PPFIA1: variants seen among roughly 807,000 people sequenced by gnomAD.
PPFIA1 encodes liprin-alpha-1.
In PPFIA1, 25 loss-of-function variants were observed where a neutral mutation model predicts 149.9. The ratio of observed to expected loss-of-function variants is 0.17; its 90% CI spans 0.12 to 0.23. The LOEUF is 0.23. Ranked by LOEUF, PPFIA1 falls within the 10% of genes least tolerant of loss-of-function variation. PPFIA1 has a pLI of 1.00. For missense variants in PPFIA1, 1,362 were observed against 1,506.5 expected, an observed-to-expected ratio of 0.90 and a Z score of 1.59; for synonymous variants, 549 against 552.8, an observed-to-expected ratio of 0.99 and a Z score of 0.10.
intron 2 of PPFIA1, among the ~76,000 whole-genome samples, chr11:70,289,903 C>A (rs2051409653): frequency 6.6e-6 from 1 of 152,124 alleles, no homozygotes; most frequent in Admixed American, 6.5e-5. Flanking sequence ...ATAGCAAGAC[C>A]CTGTCTCTCA....
At chr11:70,308,367 C>G (rs1184167923) in intron 2 of PPFIA1, among the ~76,000 whole-genome samples, 1 of 152,182 alleles carries the variant, frequency 6.6e-6, no homozygotes, top group Admixed American at 6.5e-5. Flanking sequence ...TTTAGACTGT[C>G]AAGTTCAAAC....
chr11:70,283,331 G>A (rs1483330291), intron 2 of PPFIA1, among the ~76,000 whole-genome samples: 2 of 152,160 alleles, frequency 1.3e-5, no homozygotes, highest in South Asian at 2.1e-4. Flanking sequence ...GAACTCTTTT[G>A]TGTGAAACCT....
At chr11:70,365,679 G>T (rs7942679) in intron 21 of PPFIA1, 13 of 354,186 alleles carry the variant, frequency 3.7e-5, no homozygotes, top group Non-Finnish European at 6.6e-5. Context: ...TCTCCTTTTG[G>T]AGAGATCTCA....
chr11:70,380,156 C>G (rs150492971), intron 26 of PPFIA1, among the ~76,000 whole-genome samples: 3,599 of 152,232 alleles, frequency 0.024, 157 homozygotes, highest in African/African-American at 0.083. Context: ...GCCTGTAATC[C>G]CAGCACTTTG....
At chr11:70,290,841 TAA>T (rs1271432265) in intron 2 of PPFIA1, among the ~76,000 whole-genome samples, 1 of 152,238 alleles carries the variant, frequency 6.6e-6, no homozygotes, top group Non-Finnish European at 1.5e-5. Context: ...ATAGAAAAGT[TAA>T]AGTTCTACTT....
At chr11:70,299,702 T>A (rs1020297684) in intron 2 of PPFIA1, among the ~76,000 whole-genome samples, 5 of 151,838 alleles carry the variant, frequency 3.3e-5, no homozygotes, top group African/African-American at 1.2e-4. Context: ...CATCCAAGCT[T>A]CGCTCTTGGC....
chr11:70,354,398 T>C lies in PPFIA1; in HGVS notation c.2261T>C (p.Leu754Pro), dbSNP rs749639299. ...SSPRALRLDR[L>P]HKGALHTVSH... ...CCGAGAGCCCTTCGGTTAGACCGGC[T>C]GCACAAAGGGGCGCTGCACACCGTC... The change falls in exon 17 of 28, where the codon CTG becomes CCG. Residue 754 changes from leucine to proline, a missense_variant. Leu to Pro is a moderately conservative substitution (Grantham distance 98). Transcript: ENST00000253925. The C allele has an allele frequency of 1.2e-6, 2 of 1,613,808 alleles. No homozygotes were observed. Among genetic ancestry groups the C allele is most frequent in the Non-Finnish European group, 1.7e-6 (2 of 1,179,944 alleles).
intron 2 of PPFIA1, among the ~76,000 whole-genome samples, chr11:70,279,905 A>ATGTGTGTGTG (rs759392357): frequency 1.4e-5 from 2 of 144,862 alleles, no homozygotes; most frequent in Admixed American, 6.9e-5. Flanking sequence ...TGTGTGGGGG[A>ATGTGTGTGTG]TGTGTGTGTG....
At chr11:70,283,672 A>C (rs1374455691) in intron 2 of PPFIA1, among the ~76,000 whole-genome samples, 1 of 150,128 alleles carries the variant, frequency 6.7e-6, no homozygotes, top group African/African-American at 2.4e-5. Flanking sequence ...CTAGAATCCG[A>C]GGGCAGAGGG....
Position 70,306,863 on chromosome 11 carries a change from C to A in PPFIA1, c.265-17539C>A, listed in dbSNP as rs371183461. On this transcript the variant is annotated intron_variant, in intron 2 of 27. Transcript: ENST00000253925. ...GAAGTATTATAATCTCACAAAAAAA[C>A]CCCTGAGCCTTCTTTGTTTCCAGTG... Among the ~76,000 whole-genome samples, 37 of 152,264 alleles carry A rather than the reference C, an allele frequency of 2.4e-4. No individual in the cohort carries two copies. In the South Asian group the frequency reaches 4.4e-3, roughly 18 times the overall value.
At chr11:70,354,071 G>A (rs1362228901) in intron 16 of PPFIA1, 3 of 480,794 alleles carry the variant, frequency 6.2e-6, no homozygotes, top group Non-Finnish European at 1.1e-5. Flanking sequence ...GGGCATACCT[G>A]TGTCCTGTTG....
At chr11:70,354,186 T>C in intron 16 of PPFIA1, 115 bp from the exon 17 acceptor site, 1 of 1,111,426 alleles carries the variant, frequency 9.0e-7, no homozygotes, top group Non-Finnish European at 1.3e-6. Flanking sequence ...CAAGACTTTC[T>C]GTGCTGGCAG....
intron 4 of PPFIA1, 96 bp downstream of exon 4, chr11:70,325,107 GA>G (rs1461677834): frequency 8.3e-7 from 1 of 1,210,570 alleles, no homozygotes; most frequent in African/African-American, 1.5e-5. Flanking sequence ...GAAGCTTCTT[GA>G]ATTCTTGGAA....
At chr11:70,337,474 T>C (rs767730670) in intron 12 of PPFIA1, 47 bp downstream of exon 12, 2 of 1,409,290 alleles carry the variant, frequency 1.4e-6, no homozygotes, top group Non-Finnish European at 9.8e-7. Context: ...TTGAACTGAG[T>C]TGATGATGAT....
chr11:70,340,589 A>G (rs1202798566), intron 14 of PPFIA1, among the ~76,000 whole-genome samples: 1 of 152,156 alleles, frequency 6.6e-6, no homozygotes, highest in Non-Finnish European at 1.5e-5. Flanking sequence ...TCGTCACTCA[A>G]CAGCTAGTTT....
At chr11:70,313,966 C>T (rs949038119) in intron 2 of PPFIA1, among the ~76,000 whole-genome samples, 1 of 152,102 alleles carries the variant, frequency 6.6e-6, no homozygotes, top group African/African-American at 2.4e-5. Flanking sequence ...TTCAGTGAGC[C>T]GTGATTGCCC....
chr11:70,382,269 G>T, intron 27 of PPFIA1, 111 bp downstream of exon 27: 2 of 698,194 alleles, frequency 2.9e-6, no homozygotes, highest in Admixed American at 2.6e-5. Flanking sequence ...TGCAGTTTTT[G>T]GGGAATTTAA....
intron 25 of PPFIA1, among the ~76,000 whole-genome samples, chr11:70,377,179 T>C (rs1427848436): frequency 2.0e-5 from 3 of 152,180 alleles, no homozygotes; most frequent in African/African-American, 7.2e-5. Flanking sequence ...CCCTCAAAAA[T>C]GGTTTTCACA....
In PPFIA1 at chr11:70,348,322, C is replaced by A. The variant is rs758113105; in HGVS notation, c.2065C>A (p.Leu689Ile). 3.7e-6 allele frequency: 6 copies of A among 1,614,086 alleles called. No homozygotes were observed. The African/African-American group carries it at 5.3e-5, about 14-fold the overall frequency. Reference sequence around the variant, plus strand: ...CATTCCCCCCTACCCTGCTTCCTCGCTTGCTAGCTCCTCCCCTCCGGGCAG... The same window carrying A: ...CATTCCCCCCTACCCTGCTTCCTCGATTGCTAGCTCCTCCCCTCCGGGCAG... ...SSIPPYPASS[L>I]ASSSPPGSGR... The change falls in exon 16 of 28, where the codon CTT becomes ATT. Residue 689 changes from leucine to isoleucine, a missense_variant. Coordinates refer to ENST00000253925, the MANE Select transcript of PPFIA1 (RefSeq NM_003626.5).
Sources: gnomAD v4.1 joint callset for allele counts (sites outside exome capture counted in the v4.1 genomes callset) on GRCh38, gnomAD v4.1.1 for gene constraint, MANE v1.5 for transcripts, NCBI Gene and HGNC (gene_info 2026-07-23, HGNC 2026-07-21) for gene names.